Variants in MSRA observed in about 807,000 individuals in gnomAD.
The protein encoded by MSRA is mitochondrial peptide methionine sulfoxide reductase.
MSRA carries 54 observed loss-of-function variants against 31.3 expected under a neutral mutation model. The observed-to-expected ratio is 1.73, with a 90% CI of 1.39 to 2.17. The LOEUF (loss-of-function observed/expected upper bound fraction) is 2.17, where lower values mean the gene tolerates loss of function less well. Ranked by LOEUF, MSRA falls within the 30% of genes most tolerant of loss-of-function variation. The pLI, the probability that MSRA is intolerant of heterozygous loss-of-function variation, is 0.00. For missense variants in MSRA, 507 were observed against 300.9 expected (o/e 1.69, Z -5.07); for synonymous variants, 169 against 116.5 (o/e 1.45, Z -2.90).
At chr8:10,222,887 C>T (rs761331739) in intron 2 of MSRA, among the ~76,000 whole-genome samples, 11 of 152,144 alleles carry the variant, frequency 7.2e-5, no homozygotes, top group South Asian at 2.1e-4. Context: ...AGAATAAGTT[C>T]TGGAGATCTT....
intron 1 of MSRA, among the ~76,000 whole-genome samples, chr8:10,066,556 G>A (rs925053361): frequency 3.3e-5 from 5 of 151,642 alleles, no homozygotes; most frequent in Admixed American, 6.6e-5. Context: ...TTTTTGAGAC[G>A]GAGTTTCACT....
intron 2 of MSRA, among the ~76,000 whole-genome samples, chr8:10,225,556 G>T (rs1810925634): frequency 6.6e-6 from 1 of 152,188 alleles, no homozygotes; most frequent in East Asian, 1.9e-4. Context: ...AGTTGCGGAA[G>T]AACTAATTTT....
chr8:10,327,625 A>T (rs769198113), intron 5 of MSRA, among the ~76,000 whole-genome samples: 1 of 152,084 alleles, frequency 6.6e-6, no homozygotes, highest in Admixed American at 6.5e-5. Flanking sequence ...GAGGAAGAAG[A>T]CAGTGTCACT....
At chr8:10,404,028 C>G (rs185377300) in intron 5 of MSRA, among the ~76,000 whole-genome samples, 2 of 152,328 alleles carry the variant, frequency 1.3e-5, no homozygotes, top group East Asian at 3.9e-4. Context: ...GGAAAGATTT[C>G]TCATTATATG....
intron 1 of MSRA, among the ~76,000 whole-genome samples, chr8:10,179,300 A>G (rs1806332981): frequency 6.6e-6 from 1 of 152,216 alleles, no homozygotes; most frequent in African/African-American, 2.4e-5. Flanking sequence ...TACCAAGGAC[A>G]GAAGGAAGAC....
At chr8:10,204,157 T>C (rs978113088) in intron 1 of MSRA, among the ~76,000 whole-genome samples, 1 of 152,174 alleles carries the variant, frequency 6.6e-6, no homozygotes, top group Non-Finnish European at 1.5e-5. Flanking sequence ...TGTTAAGTTA[T>C]GTTATTACAA....
At chr8:10,223,266 C>G (rs1205166332) in intron 2 of MSRA, among the ~76,000 whole-genome samples, 1 of 152,066 alleles carries the variant, frequency 6.6e-6, no homozygotes, top group Non-Finnish European at 1.5e-5. Context: ...GGATCTCATA[C>G]AAAATGGGTC....
chr8:10,315,022 A>T (rs1392470099), intron 4 of MSRA, among the ~76,000 whole-genome samples: 1 of 152,186 alleles, frequency 6.6e-6, no homozygotes, highest in African/African-American at 2.4e-5. Context: ...ACCAAAGGCG[A>T]AGGAGGAGCA....
intron 1 of MSRA, among the ~76,000 whole-genome samples, chr8:10,105,763 C>T (rs1296177158): frequency 1.3e-5 from 2 of 152,158 alleles, no homozygotes; most frequent in Non-Finnish European, 2.9e-5. Flanking sequence ...TGAGTTGTGG[C>T]TGAGGCTCCT....
chr8:10,165,348 AAAC>A (rs1162460554), intron 1 of MSRA, among the ~76,000 whole-genome samples: 2 of 131,020 alleles, frequency 1.5e-5, no homozygotes, highest in Non-Finnish European at 3.1e-5. Context: ...TTTTTTTAAA[AAAC>A]AAACAAACAA....
intron 3 of MSRA, among the ~76,000 whole-genome samples, chr8:10,269,378 T>A (rs1798911199): frequency 6.6e-6 from 1 of 152,216 alleles, no homozygotes; most frequent in African/African-American, 2.4e-5. Context: ...ATCAGAAATA[T>A]GTCATGATAT....
At chr8:10,106,135 A>C (rs955154042) in intron 1 of MSRA, among the ~76,000 whole-genome samples, 2 of 152,230 alleles carry the variant, frequency 1.3e-5, no homozygotes, top group Admixed American at 1.3e-4. Context: ...CTGGGCAGAT[A>C]CTAACAGCTG....
chr8:10,137,485 A>C (rs1802369453), intron 1 of MSRA, among the ~76,000 whole-genome samples: 1 of 152,218 alleles, frequency 6.6e-6, no homozygotes, highest in Non-Finnish European at 1.5e-5. Flanking sequence ...GTTTCATTCC[A>C]AGATTGTGGT....
intron 1 of MSRA, among the ~76,000 whole-genome samples, chr8:10,195,259 T>G (rs1807867728): frequency 6.6e-6 from 1 of 152,186 alleles, no homozygotes; most frequent in African/African-American, 2.4e-5. Flanking sequence ...TGTTTGTTTG[T>G]TTTTTGAGTC....
chr8:10,294,051 A>C (rs1207084910), intron 3 of MSRA, among the ~76,000 whole-genome samples: 1 of 152,098 alleles, frequency 6.6e-6, no homozygotes, highest in Non-Finnish European at 1.5e-5. Flanking sequence ...TAAAAATACA[A>C]AAACCACCCA....
chr8:10,273,858 G>A (rs1799174041), intron 3 of MSRA, among the ~76,000 whole-genome samples: 1 of 152,128 alleles, frequency 6.6e-6, no homozygotes, highest in Non-Finnish European at 1.5e-5. Flanking sequence ...TATGATCCTC[G>A]AGCCAACAGT....
At chr8:10,241,698 T>A (rs1812428932) in intron 2 of MSRA, among the ~76,000 whole-genome samples, 3 of 152,212 alleles carry the variant, frequency 2.0e-5, no homozygotes, top group African/African-American at 4.8e-5. Flanking sequence ...TAACTAGACA[T>A]GAAAGAGACA....
chr8:10,272,128 C>G (rs1300495102), intron 3 of MSRA, among the ~76,000 whole-genome samples: 1 of 152,192 alleles, frequency 6.6e-6, no homozygotes, highest in Non-Finnish European at 1.5e-5. Context: ...CTTATTTCCT[C>G]TATCTGGAGT....
chr8:10,106,976 C>A (rs566139507), intron 1 of MSRA, among the ~76,000 whole-genome samples: 100 of 152,228 alleles, frequency 6.6e-4, no homozygotes, highest in African/African-American at 2.3e-3. Flanking sequence ...CCCCATCCGT[C>A]CATCCATGCA....
Sources: gnomAD v4.1 joint callset for allele counts (sites outside exome capture counted in the v4.1 genomes callset) on GRCh38, gnomAD v4.1.1 for gene constraint, MANE v1.5 for transcripts, NCBI Gene and HGNC (gene_info 2026-07-23, HGNC 2026-07-21) for gene names.